Variants in GMEB1 observed in about 807,000 individuals in gnomAD.
GMEB1 encodes glucocorticoid modulatory element-binding protein 1.
GMEB1 carries 6 observed loss-of-function variants against 52.4 expected under a neutral mutation model. The observed-to-expected ratio is 0.11, with a 90% CI of 0.06 to 0.23. The LOEUF (loss-of-function observed/expected upper bound fraction) is 0.23. Among genes scored for constraint, GMEB1 ranks in the 10% least tolerant of loss-of-function variants. The pLI, the probability that GMEB1 is intolerant of heterozygous loss-of-function variation, is 1.00. For synonymous variants in GMEB1, 255 were observed against 244.9 expected, an observed-to-expected ratio of 1.04 and a Z score of -0.38; for missense variants, 486 against 685.6, an observed-to-expected ratio of 0.71 and a Z score of 3.25.
chr1:28,714,179 T>C lies in GMEB1; in HGVS notation c.1098T>C (p.Pro366=), dbSNP rs1671183938. 1 of 1,613,976 alleles carries C rather than the reference T, an allele frequency of 6.2e-7. No individual in the cohort carries two copies. The highest frequency in any genetic ancestry group is 1.3e-5 in the African/African-American group (1 of 74,888). The change falls in exon 10 of 10, where the codon CCT becomes CCC. Residue 366 remains proline, a synonymous_variant. Transcript: ENST00000373816. ...TGATGCCTGTGAGCACTCCTAAGCC[T>C]CCAAAAAGGCCCCGGCTCCAGCGGC... The part of the protein sequence containing the change: ...VVLMPVSTPK[P]PKRPRLQRPA...
At chr1:28,673,920 G>C (rs1669016560) in intron 1 of GMEB1, among the ~76,000 whole-genome samples, 1 of 151,932 alleles carries the variant, frequency 6.6e-6, no homozygotes, top group Non-Finnish European at 1.5e-5. Flanking sequence ...GGCCGTGGTG[G>C]GTGGATCACG....
intron 1 of GMEB1, among the ~76,000 whole-genome samples, chr1:28,674,341 A>C (rs1000838833): frequency 2.7e-5 from 4 of 149,814 alleles, no homozygotes; most frequent in African/African-American, 9.7e-5. Context: ...CCTGTCTCAA[A>C]AAACAAAACG....
chr1:28,683,655 G>A lies in GMEB1; in HGVS notation c.43G>A (p.Val15Met), dbSNP rs200053822. 1 of 1,611,526 alleles carries A rather than the reference G, an allele frequency of 6.2e-7. No homozygotes were observed. The highest frequency in any genetic ancestry group is 8.5e-7 in the Non-Finnish European group (1 of 1,178,906). The change falls in exon 2 of 10, where the codon GTG becomes ATG. Residue 15 changes from valine to methionine, a missense_variant. Physicochemically the swap from Val to Met is conservative, Grantham distance 21. Transcript: ENST00000373816. ...GAGTGTCCCAGTGGGGGATGTGGTT[G>A]TGGTACCTACTGAAGGAAATGAAGG... Reference protein sequence around the residue: ...EVSVPVGDVVVVPTEGNEGEN... With the variant: ...EVSVPVGDVVMVPTEGNEGEN...
intron 1 of GMEB1, among the ~76,000 whole-genome samples, chr1:28,674,342 A>C (rs1360148029): frequency 1.3e-5 from 2 of 149,922 alleles, no homozygotes; most frequent in East Asian, 3.9e-4. Flanking sequence ...CTGTCTCAAA[A>C]AACAAAACGA....
chr1:28,672,221 A>G (rs1411899365), intron 1 of GMEB1, among the ~76,000 whole-genome samples: 1 of 141,604 alleles, frequency 7.1e-6, no homozygotes, highest in Non-Finnish European at 1.5e-5. Flanking sequence ...TTATTTATTT[A>G]TTTATTTATT....
chr1:28,710,753 A>T (rs1570439172), intron 9 of GMEB1, 111 bp downstream of exon 9: 3 of 651,242 alleles, frequency 4.6e-6, no homozygotes, highest in Non-Finnish European at 2.3e-6. Flanking sequence ...ATAGTATCAG[A>T]TTTTGCTTTT....
At chr1:28,692,060 G>C (rs144059068) in intron 4 of GMEB1, among the ~76,000 whole-genome samples, 154 of 150,106 alleles carry the variant, frequency 1.0e-3, no homozygotes, top group African/African-American at 3.6e-3. Flanking sequence ...GCCCAGGCTA[G>C]AGTGCAGTGA....
chr1:28,700,628 T>G (rs1295578627), intron 6 of GMEB1, among the ~76,000 whole-genome samples: 3 of 149,492 alleles, frequency 2.0e-5, no homozygotes, highest in Admixed American at 6.8e-5. Context: ...GAGACTGCCG[T>G]GAGCCGAGAT....
intron 1 of GMEB1, among the ~76,000 whole-genome samples, chr1:28,677,284 G>A (rs1429212879): frequency 6.6e-6 from 1 of 151,008 alleles, no homozygotes; most frequent in Non-Finnish European, 1.5e-5. Flanking sequence ...TGGAGATGGA[G>A]TATTGCTCTG....
intron 5 of GMEB1, among the ~76,000 whole-genome samples, chr1:28,696,277 C>T (rs1670204319): frequency 1.3e-5 from 2 of 151,882 alleles, no homozygotes; most frequent in East Asian, 1.9e-4. Flanking sequence ...ATGTTGGACA[C>T]GCTGGTCTCA....
intron 5 of GMEB1, among the ~76,000 whole-genome samples, chr1:28,696,434 A>G (rs951972325): frequency 2.6e-5 from 4 of 152,124 alleles, no homozygotes; most frequent in Admixed American, 1.3e-4. Flanking sequence ...GGACAAGCAT[A>G]TGCCAATTTT....
chr1:28,697,867 C>T lies in GMEB1; in HGVS notation c.598+783C>T, dbSNP rs191752718. Among the ~76,000 whole-genome samples the T allele has an allele frequency of 1.0e-3, 158 of 151,974 alleles. No individual in the cohort carries two copies. The East Asian group carries it at 0.024, about 23-fold the overall frequency. On this transcript the variant is annotated intron_variant, in intron 6 of 9. Transcript: ENST00000373816. ...ATGAAGTCAAGAGATCGGCCAGGTGCGGTGGCTCACGCCTGTAATCCCAGC... is the reference window on the plus strand; with the variant it reads ...ATGAAGTCAAGAGATCGGCCAGGTGTGGTGGCTCACGCCTGTAATCCCAGC...
At chr1:28,712,309 C>T (rs1671091368) in intron 9 of GMEB1, among the ~76,000 whole-genome samples, 1 of 152,102 alleles carries the variant, frequency 6.6e-6, no homozygotes, top group South Asian at 2.1e-4. Context: ...CTCTCTGAAC[C>T]CTGTACTTTT....
At position 28,697,197 on chromosome 1, in the gene GMEB1, A is replaced by ATATATG. The variant is rs1334114115; in HGVS notation, c.598+116_598+117insATGTAT. 14 of 179,708 alleles carry ATATATG rather than the reference A, an allele frequency of 7.8e-5. No homozygotes were observed. The East Asian group carries it at 1.2e-3, about 16-fold the overall frequency. 11.1% of individuals were successfully genotyped at this position (179,708 alleles called of 1,614,324 possible). On this transcript the variant is annotated intron_variant, in intron 6 of 9. Transcript: ENST00000373816. ...TATATATATATATATATATATATAT[A>ATATATG]TATGTATTTTTTTATTTTAATTTTT... is the stretch of plus-strand genomic sequence containing the variant.
intron 1 of GMEB1, among the ~76,000 whole-genome samples, chr1:28,670,960 G>T (rs1045731464): frequency 2.0e-5 from 3 of 152,122 alleles, no homozygotes; most frequent in African/African-American, 7.2e-5. Flanking sequence ...CTTGCCCTAA[G>T]CCAAAGTCCA....
At chr1:28,691,068 A>G (rs1325231124) in intron 3 of GMEB1, among the ~76,000 whole-genome samples, 1 of 152,142 alleles carries the variant, frequency 6.6e-6, no homozygotes, top group East Asian at 1.9e-4. Flanking sequence ...AGACAGGTGG[A>G]TCAGTTGAGG....
intron 9 of GMEB1, among the ~76,000 whole-genome samples, chr1:28,712,440 T>C (rs1313176997): frequency 6.6e-6 from 1 of 152,200 alleles, no homozygotes; most frequent in East Asian, 1.9e-4. Context: ...AGTCCTAGTC[T>C]TTAATCATGC....
intron 1 of GMEB1, among the ~76,000 whole-genome samples, chr1:28,677,357 C>A (rs1444494900): frequency 6.6e-6 from 1 of 151,854 alleles, no homozygotes; most frequent in African/African-American, 2.4e-5. Flanking sequence ...ATCACCACGT[C>A]TGGCTAATTT....
chr1:28,686,200 G>A (rs1669632910), intron 2 of GMEB1, among the ~76,000 whole-genome samples: 1 of 151,796 alleles, frequency 6.6e-6, no homozygotes, highest in Admixed American at 6.6e-5. Context: ...AATTAGCTAG[G>A]CTTGGTGGCT....
Sources: gnomAD v4.1 joint callset for allele counts (sites outside exome capture counted in the v4.1 genomes callset) on GRCh38, gnomAD v4.1.1 for gene constraint, MANE v1.5 for transcripts, NCBI Gene and HGNC (gene_info 2026-07-23, HGNC 2026-07-21) for gene names.